Variants in H6PD observed in about 807,000 individuals in gnomAD.
The protein encoded by H6PD is hexose-6-phosphate dehydrogenase/glucose 1-dehydrogenase, also known as GDH/6PGL endoplasmic bifunctional protein.
H6PD carries 48 observed loss-of-function variants against 61.2 expected under a neutral mutation model. The observed-to-expected ratio is 0.78, with a 90% CI of 0.62 to 1.00. The LOEUF (loss-of-function observed/expected upper bound fraction) is 1.00. Among genes scored for constraint, H6PD ranks in the 50% least tolerant of loss-of-function variants. The probability of loss-of-function intolerance (pLI) is 0.00; values close to 1 mark genes in which losing one functional copy is unlikely to be tolerated. For synonymous variants in H6PD, 480 were observed against 457.9 expected, an observed-to-expected ratio of 1.05 and a Z score of -0.62; for missense variants, 1,093 against 1,065.0, an observed-to-expected ratio of 1.03 and a Z score of -0.37.
rs746333928 is a variant in H6PD, at chr1:9,264,818, G to T, written c.2325G>T (p.Pro775=). 1 of 1,612,720 alleles carries T rather than the reference G, an allele frequency of 6.2e-7. No homozygotes were observed. The highest frequency in any genetic ancestry group is 1.7e-5 in the Admixed American group (1 of 60,028). Residue 775 remains proline, a synonymous_variant, in exon 5 of 5, where the codon CCG becomes CCT. Transcript: ENST00000377403. ...PKKWPISGVL[P]HSGQLVWYMD... ...AGTGGCCCATCTCGGGTGTCCTGCC[G>T]CACTCCGGCCAGCTGGTGTGGTACA... is the stretch of plus-strand genomic sequence containing the variant.
chr1:9,265,170 C>T lies in H6PD; in HGVS notation c.*301C>T. On this transcript the variant is annotated 3_prime_UTR_variant, in exon 5 of 5. Transcript: ENST00000377403. ...CCAGCAGTTACACATTCATATCAAC[C>T]AGCACAACACGGGATGGCGCCCAAA... 2.0e-6 allele frequency: 1 copy of T among 489,588 alleles called. No homozygotes were observed. The highest frequency in any genetic ancestry group is 3.8e-6 in the Non-Finnish European group (1 of 266,370). The allele number at this position is 489,588 out of a possible 1,614,324, so 30.3% of individuals were successfully genotyped here.
intron 3 of H6PD, 41 bp from the exon 4 acceptor site, chr1:9,262,018 T>A (rs775252732): frequency 1.2e-6 from 2 of 1,608,932 alleles, no homozygotes; most frequent in Admixed American, 1.7e-5. Flanking sequence ...TGTTCTGGCC[T>A]CTCTTTAGAT....
In H6PD at chr1:9,243,922, C is replaced by T. The variant is rs561771648; in HGVS notation, c.-10-1003C>T. On this transcript the variant is annotated intron_variant, in intron 1 of 4. Coordinates refer to ENST00000377403, the MANE Select transcript of H6PD (RefSeq NM_004285.4). Reference sequence around the variant, plus strand: ...AGGGTCAAGAGGCAGATTTGGTCCCCTCTATAGCGGTGCTGGAGAGGTCAT... The same window carrying T: ...AGGGTCAAGAGGCAGATTTGGTCCCTTCTATAGCGGTGCTGGAGAGGTCAT... Among the ~76,000 whole-genome samples the T allele has an allele frequency of 3.9e-5, 6 of 152,232 alleles. No homozygotes were observed. In the East Asian group the frequency reaches 9.7e-4, roughly 24 times the overall value.
chr1:9,247,403 G>C (rs561849602), intron 3 of H6PD, among the ~76,000 whole-genome samples: 11 of 152,300 alleles, frequency 7.2e-5, no homozygotes, highest in Admixed American at 7.2e-4. Context: ...TGGGAACTGC[G>C]TGAGGGCTTC....
In H6PD at chr1:9,262,294, A is replaced by G. The variant is rs1024939684; in HGVS notation, c.981A>G (p.Pro327=). The change falls in exon 4 of 5, where the codon CCA becomes CCG. Residue 327 remains proline, a synonymous_variant. Coordinates refer to ENST00000377403, the MANE Select transcript of H6PD (RefSeq NM_004285.4). ...AGGTGCGCAGAGAGCTGCAGAAGCC[A>G]GACAGCTTCCACAGCCTGACGCCGA... ...SEQVRRELQK[P]DSFHSLTPTF... 2.5e-5 allele frequency: 40 copies of G among 1,608,448 alleles called. No homozygotes were observed. In the Admixed American group the frequency reaches 2.7e-4, roughly 11 times the overall value.
At chr1:9,261,369 T>G (rs1224436760) in intron 3 of H6PD, among the ~76,000 whole-genome samples, 1 of 152,108 alleles carries the variant, frequency 6.6e-6, no homozygotes, top group African/African-American at 2.4e-5. Context: ...CTTTGGCACC[T>G]GAGGGTCCCT....
intron 3 of H6PD, among the ~76,000 whole-genome samples, chr1:9,250,505 C>T (rs1395392745): frequency 6.7e-6 from 1 of 148,556 alleles, no homozygotes; most frequent in Non-Finnish European, 1.5e-5. Flanking sequence ...CCACACACAC[C>T]ACAGGCCATT....
rs1237038382 is a variant in H6PD, at chr1:9,264,767, G to A, written c.2274G>A (p.Val758=). The A allele has an allele frequency of 3.7e-6, 6 of 1,613,144 alleles. No homozygotes were observed. Among genetic ancestry groups the A allele is most frequent in the Non-Finnish European group, 8.5e-7 (1 of 1,179,990 alleles). The change falls in exon 5 of 5, where the codon GTG becomes GTA. Residue 758 remains valine (V), a synonymous_variant. Transcript: ENST00000377403. ...GRMKREITTL[V]SRVGHEPKKW... Reference sequence around the variant, plus strand: ...TGAAGCGTGAGATCACCACGCTGGTGAGCCGGGTGGGCCATGAGCCCAAGA... The same window carrying A: ...TGAAGCGTGAGATCACCACGCTGGTAAGCCGGGTGGGCCATGAGCCCAAGA...
intron 2 of H6PD, among the ~76,000 whole-genome samples, chr1:9,246,725 A>G (rs1393080411): frequency 6.6e-6 from 1 of 152,200 alleles, no homozygotes; most frequent in African/African-American, 2.4e-5. Flanking sequence ...ATTGTAATAG[A>G]AGATAGGTAA....
Position 9,264,376 on chromosome 1 carries a change from A to C in H6PD, c.1883A>C (p.Asp628Ala), listed in dbSNP as rs560754512. Reference sequence around the variant, plus strand: ...GACGAGCGCTGCGTCCCACTCTCAGACCCGGAGTCCAACTTCCAGGGCCTG... The same window carrying C: ...GACGAGCGCTGCGTCCCACTCTCAGCCCCGGAGTCCAACTTCCAGGGCCTG... ...LVDERCVPLS[D>A]PESNFQGLQA... Residue 628 changes from aspartate to alanine, a missense_variant, in exon 5 of 5, where the codon GAC (aspartate) becomes GCC (alanine). Transcript: ENST00000377403. 2 of 1,612,790 alleles carry C rather than the reference A, an allele frequency of 1.2e-6. No individual in the cohort carries two copies. The highest frequency in any genetic ancestry group is 2.2e-5 in the South Asian group (2 of 91,082).
chr1:9,238,581 C>G (rs1640913089), intron 1 of H6PD, among the ~76,000 whole-genome samples: 1 of 152,170 alleles, frequency 6.6e-6, no homozygotes, highest in South Asian at 2.1e-4. Context: ...CTCAAGGTTT[C>G]TGGGTCTGAA....
chr1:9,262,661 A>G (rs1176461312), intron 4 of H6PD, among the ~76,000 whole-genome samples: 2 of 152,172 alleles, frequency 1.3e-5, no homozygotes, highest in East Asian at 3.9e-4. Flanking sequence ...TGAGGCCGCA[A>G]GCCTTTTGCC....
rs373231848 is a variant in H6PD, at chr1:9,264,652, C to T, written c.2159C>T (p.Thr720Met). The change falls in exon 5 of 5, where the codon ACG (threonine) becomes ATG (methionine). Residue 720 changes from threonine to methionine, a missense_variant. Transcript: ENST00000377403. ...LDGEQLVVLT[T>M]SPSQPHRRMS... ...GGCGAGCAGCTGGTCGTGCTGACCA[C>T]GAGCCCCTCCCAGCCACACCGCCGC... 41 of 1,612,712 alleles carry T rather than the reference C, an allele frequency of 2.5e-5. No individual in the cohort carries two copies. The highest frequency in any genetic ancestry group is 1.3e-4 in the Admixed American group (8 of 59,986).
At chr1:9,251,451 T>C (rs1468159252) in intron 3 of H6PD, among the ~76,000 whole-genome samples, 12 of 151,500 alleles carry the variant, frequency 7.9e-5, no homozygotes, top group African/African-American at 2.4e-4. Flanking sequence ...GTTGTTGTTG[T>C]TGTTGTTGTT....
intron 4 of H6PD, 116 bp from the exon 5 acceptor site, chr1:9,263,393 G>T: frequency 5.5e-6 from 5 of 908,692 alleles, no homozygotes; most frequent in South Asian, 4.2e-5. Flanking sequence ...ATGGCAAGGC[G>T]AGGGGCTTCC....
chr1:9,260,096 G>A (rs371330553), intron 3 of H6PD, among the ~76,000 whole-genome samples: 9 of 151,558 alleles, frequency 5.9e-5, no homozygotes, highest in South Asian at 2.1e-4. Context: ...TTGTTACGCC[G>A]GTGTCGTTAT....
At chr1:9,235,352 C>T (rs1458483526) in intron 1 of H6PD, among the ~76,000 whole-genome samples, 1 of 152,076 alleles carries the variant, frequency 6.6e-6, no homozygotes, top group African/African-American at 2.4e-5. Context: ...GATTGGCCCT[C>T]GGGTTTCACA....
chr1:9,239,831 C>G (rs1640946003), intron 1 of H6PD: 1 of 406,478 alleles, frequency 2.5e-6, no homozygotes, highest in Non-Finnish European at 4.3e-6. Context: ...AGAACTGCTT[C>G]CTCCTGTGGT....
chr1:9,245,146 A>G lies in H6PD; in HGVS notation c.212A>G (p.Lys71Arg), dbSNP rs201786227. Residue 71 changes from lysine (K) to arginine (R), a missense_variant, in exon 2 of 5, where the codon AAG becomes AGG. Lys to Arg is a conservative substitution (Grantham distance 26, BLOSUM62 2). Transcript: ENST00000377403. This position sits in a 1 kb window ranked among gnomAD's most constrained non-coding sequence, Gnocchi z 4.8. ...SFHGAALTAP[K>R]QGQELMAKAL... is the part of the protein sequence containing the mutation. Reference sequence around the variant, plus strand: ...CATGGAGCTGCTCTGACAGCCCCCAAGCAGGGTCAAGAGCTCATGGCCAAG... The same window carrying G: ...CATGGAGCTGCTCTGACAGCCCCCAGGCAGGGTCAAGAGCTCATGGCCAAG... The G allele has an allele frequency of 9.3e-6, 15 of 1,614,120 alleles. No homozygotes were observed. Among genetic ancestry groups the G allele is most frequent in the Non-Finnish European group, 1.2e-5 (14 of 1,180,040 alleles).
Sources: gnomAD v4.1 joint callset for allele counts (sites outside exome capture counted in the v4.1 genomes callset) on GRCh38, gnomAD v4.1.1 for gene constraint, Gnocchi (gnomAD v3.1) non-coding constraint, MANE v1.5 for transcripts, NCBI Gene and HGNC (gene_info 2026-07-23, HGNC 2026-07-21) for gene names.